PLCL1: variants seen among roughly 807,000 people sequenced by gnomAD.
The protein encoded by PLCL1 is inactive phospholipase C-like protein 1.
In PLCL1, 41 loss-of-function variants were observed where a neutral mutation model predicts 84.4. The ratio of observed to expected loss-of-function variants is 0.49; its 90% CI spans 0.38 to 0.63. The LOEUF (loss-of-function observed/expected upper bound fraction) is 0.63. Among genes scored for constraint, PLCL1 ranks in the 30% least tolerant of loss-of-function variants. The pLI is 0.00. For missense variants in PLCL1, 1,206 were observed against 1,367.8 expected (o/e 0.88, Z 1.87); for synonymous variants, 490 against 488.3 (o/e 1.00, Z -0.05).
intron 1 of PLCL1, among the ~76,000 whole-genome samples, chr2:198,029,263 GT>G (rs1691348036): frequency 6.6e-6 from 1 of 152,124 alleles, no homozygotes; most frequent in East Asian, 1.9e-4. Context: ...TTACTACATT[GT>G]ATAGGTCAAA....
At chr2:198,140,922 T>C (rs1694371335) in intron 5 of PLCL1, among the ~76,000 whole-genome samples, 1 of 152,174 alleles carries the variant, frequency 6.6e-6, no homozygotes, top group Non-Finnish European at 1.5e-5. Context: ...TGTAACTAAT[T>C]AAAAAATTAA....
intron 1 of PLCL1, among the ~76,000 whole-genome samples, chr2:197,842,902 C>T (rs1322081749): frequency 6.6e-6 from 1 of 152,150 alleles, no homozygotes; most frequent in Non-Finnish European, 1.5e-5. Context: ...CACTGAGCCT[C>T]ATTTGCTAGG....
chr2:197,930,358 A>C (rs1453640175), intron 1 of PLCL1, among the ~76,000 whole-genome samples: 1 of 152,198 alleles, frequency 6.6e-6, no homozygotes, highest in East Asian at 1.9e-4. Context: ...AATAGAGTAC[A>C]TGCAAATGAT....
rs139077021 is a variant in PLCL1, at chr2:197,918,842, G to A, written c.240+113503G>A. Among the ~76,000 whole-genome samples the A allele has an allele frequency of 2.5e-3, 382 of 152,242 alleles. 2 individuals are homozygous for A. Among genetic ancestry groups the A allele is most frequent in the Middle Eastern group, 0.01 (3 of 294 alleles). On this transcript the variant is annotated intron_variant, in intron 1 of 5. Transcript: ENST00000428675. The stretch of plus-strand genomic sequence containing the variant: ...GTAGTCCCAGCTACTAGGGGAGCCT[G>A]AGGTGGGAGGATCACTTGAGCTTAG...
intron 1 of PLCL1, among the ~76,000 whole-genome samples, chr2:197,863,036 G>C (rs1574918329): frequency 1.3e-5 from 2 of 152,032 alleles, no homozygotes; most frequent in South Asian, 4.1e-4. Context: ...TCAATAATAT[G>C]TCTTAAATTA....
At chr2:198,145,429 CT>C (rs989503280) in intron 5 of PLCL1, among the ~76,000 whole-genome samples, 1 of 152,192 alleles carries the variant, frequency 6.6e-6, no homozygotes, top group East Asian at 1.9e-4. Context: ...AAGGCCTGAA[CT>C]TTAGTCCCAG....
At chr2:197,916,637 T>C (rs1003594962) in intron 1 of PLCL1, among the ~76,000 whole-genome samples, 1 of 151,718 alleles carries the variant, frequency 6.6e-6, no homozygotes, top group Admixed American at 6.6e-5. Context: ...GACAGAGTCA[T>C]GGTTAAGAGA....
At chr2:198,075,799 A>G (rs1030039875) in intron 1 of PLCL1, among the ~76,000 whole-genome samples, 2 of 152,212 alleles carry the variant, frequency 1.3e-5, no homozygotes, top group Non-Finnish European at 2.9e-5. Flanking sequence ...TACTGATTTA[A>G]TTAGCTACAA....
intron 5 of PLCL1, among the ~76,000 whole-genome samples, chr2:198,135,979 C>A (rs960767473): frequency 6.6e-6 from 1 of 152,078 alleles, no homozygotes; most frequent in Non-Finnish European, 1.5e-5. Flanking sequence ...CTTTTGGGAT[C>A]CCCCAAGGAA....
At chr2:197,876,663 G>A (rs1687738438) in intron 1 of PLCL1, among the ~76,000 whole-genome samples, 1 of 151,854 alleles carries the variant, frequency 6.6e-6, no homozygotes, top group Non-Finnish European at 1.5e-5. Context: ...GGCTATTTTT[G>A]GTAGAAGTGA....
intron 1 of PLCL1, among the ~76,000 whole-genome samples, chr2:197,843,257 T>C (rs1446111836): frequency 6.6e-6 from 1 of 152,234 alleles, no homozygotes; most frequent in African/African-American, 2.4e-5. Flanking sequence ...GGAAGGACCA[T>C]GCATTAGTGG....
chr2:197,993,402 G>C (rs763090805), intron 1 of PLCL1, among the ~76,000 whole-genome samples: 7 of 152,144 alleles, frequency 4.6e-5, no homozygotes, highest in Non-Finnish European at 7.3e-5. Context: ...AGGATTTCTG[G>C]TGACCCTGTG....
intron 1 of PLCL1, among the ~76,000 whole-genome samples, chr2:197,956,568 C>T (rs1164469674): frequency 6.6e-6 from 1 of 152,166 alleles, no homozygotes; most frequent in Non-Finnish European, 1.5e-5. Flanking sequence ...TTCTCCACAG[C>T]CTTGCCAGCA....
chr2:197,812,385 C>T (rs990581446), intron 1 of PLCL1, among the ~76,000 whole-genome samples: 8 of 152,214 alleles, frequency 5.3e-5, no homozygotes, highest in African/African-American at 1.9e-4. Context: ...CTGCTTTCCA[C>T]AGTGACTGAA....
intron 1 of PLCL1, among the ~76,000 whole-genome samples, chr2:198,040,559 C>T (rs1030788913): frequency 1.6e-4 from 25 of 152,200 alleles, no homozygotes; most frequent in Non-Finnish European, 3.2e-4. Context: ...GTGGAATTTC[C>T]GTTCTAGAGG....
intron 1 of PLCL1, among the ~76,000 whole-genome samples, chr2:197,935,144 T>G (rs570883116): frequency 6.6e-6 from 1 of 152,176 alleles, no homozygotes; most frequent in Non-Finnish European, 1.5e-5. Context: ...CAGGTCCTGG[T>G]GAGTTTGCAG....
chr2:198,003,266 GC>G (rs1439823066), intron 1 of PLCL1, among the ~76,000 whole-genome samples: 1 of 152,092 alleles, frequency 6.6e-6, no homozygotes, highest in Admixed American at 6.6e-5. Flanking sequence ...AAAACAAGGG[GC>G]ACTTCTTGCC....
At chr2:197,842,390 T>C (rs1423770224) in intron 1 of PLCL1, among the ~76,000 whole-genome samples, 1 of 152,078 alleles carries the variant, frequency 6.6e-6, no homozygotes, top group Non-Finnish European at 1.5e-5. Context: ...CACATTAATG[T>C]TTTCCACTGA....
chr2:197,957,670 C>T (rs1443373059), intron 1 of PLCL1, among the ~76,000 whole-genome samples: 2 of 152,004 alleles, frequency 1.3e-5, no homozygotes, highest in Non-Finnish European at 2.9e-5. Flanking sequence ...GCCTATTGGC[C>T]TCTGCTCAAC....
Sources: gnomAD v4.1 joint callset for allele counts (sites outside exome capture counted in the v4.1 genomes callset) on GRCh38, gnomAD v4.1.1 for gene constraint, MANE v1.5 for transcripts, NCBI Gene and HGNC (gene_info 2026-07-23, HGNC 2026-07-21) for gene names.